Variants in CSMD1 observed in about 807,000 individuals in gnomAD.
The protein encoded by CSMD1 is CUB and Sushi multiple domains 1.
A neutral mutation model predicts 417.5 loss-of-function variants in CSMD1; 213 were observed. That is an observed-to-expected ratio of 0.51 (90% CI 0.46 to 0.57). The LOEUF (loss-of-function observed/expected upper bound fraction) is 0.57, where lower values mean the gene tolerates loss of function less well. Ranked by LOEUF, CSMD1 falls within the 20% of genes least tolerant of loss-of-function variation. The pLI is 0.00. For missense variants in CSMD1, 6,923 were observed against 4,529.7 expected (o/e 1.53, Z -15.17); for synonymous variants, 2,862 against 1,736.8 (o/e 1.65, Z -16.11).
rs201556828 is a variant in CSMD1 at position 3,906,294 on chromosome 8, A to G, written c.818+91609T>C. ...TCAAATAAAATCAATTGTCATAGGG[A>G]AAAAAAAAACCCCATGAAACATCAA... On this transcript the variant is annotated intron_variant, in intron 5 of 69. Coordinates refer to ENST00000635120, the MANE Select transcript of CSMD1 (RefSeq NM_033225.6). Among the ~76,000 whole-genome samples the G allele has an allele frequency of 9.2e-3, 381 of 41,386 alleles. 1 individual carries two copies. Among genetic ancestry groups the G allele is most frequent in the Middle Eastern group, 0.025 (1 of 40 alleles). The allele number at this position is 41,386 out of a possible 152,430, so 27.2% of individuals were successfully genotyped here.
chr8:3,757,220 C>G (rs1419631269), intron 5 of CSMD1, among the ~76,000 whole-genome samples: 1 of 152,142 alleles, frequency 6.6e-6, no homozygotes, highest in Non-Finnish European at 1.5e-5. Context: ...AATACCTACT[C>G]AGAACAATGA....
intron 3 of CSMD1, among the ~76,000 whole-genome samples, chr8:4,046,498 A>G (rs1798154178): frequency 6.6e-6 from 1 of 152,200 alleles, no homozygotes; most frequent in South Asian, 2.1e-4. Context: ...AGGATAAAGC[A>G]TGTTTTGTGG....
At chr8:4,178,525 C>G (rs1295549426) in intron 3 of CSMD1, among the ~76,000 whole-genome samples, 1 of 150,888 alleles carries the variant, frequency 6.6e-6, no homozygotes, top group Non-Finnish European at 1.5e-5. Context: ...TGGCACAAGA[C>G]AGGGATGCCC....
chr8:3,203,196 G>C (rs1014397339), intron 31 of CSMD1, among the ~76,000 whole-genome samples: 5 of 152,206 alleles, frequency 3.3e-5, no homozygotes, highest in Admixed American at 6.5e-5. Context: ...TAACGTGTTT[G>C]GTAATTTCCA....
chr8:4,830,509 G>T (rs1440236193), intron 1 of CSMD1, among the ~76,000 whole-genome samples: 1 of 152,208 alleles, frequency 6.6e-6, no homozygotes, highest in East Asian at 1.9e-4. Flanking sequence ...AGAAGCTACT[G>T]CCTGACAATG....
intron 3 of CSMD1, among the ~76,000 whole-genome samples, chr8:4,126,024 A>T (rs1563156373): frequency 6.6e-6 from 1 of 152,130 alleles, no homozygotes; most frequent in Non-Finnish European, 1.5e-5. Context: ...TCCATGGATC[A>T]GCTGATACCA....
intron 5 of CSMD1, among the ~76,000 whole-genome samples, chr8:3,909,444 G>C (rs1301149269): frequency 2.6e-5 from 4 of 152,106 alleles, no homozygotes; most frequent in East Asian, 3.9e-4. Flanking sequence ...GAAAAAGGCA[G>C]AACACACGGC....
chr8:4,034,050 A>G (rs180773341), intron 3 of CSMD1, among the ~76,000 whole-genome samples: 3 of 152,194 alleles, frequency 2.0e-5, no homozygotes, highest in Non-Finnish European at 4.4e-5. Context: ...AAACTATTTC[A>G]TGTCTGTATC....
chr8:3,892,199 C>A (rs1057193450), intron 5 of CSMD1, among the ~76,000 whole-genome samples: 1 of 152,114 alleles, frequency 6.6e-6, no homozygotes, highest in Non-Finnish European at 1.5e-5. Context: ...ATGTGTAGCC[C>A]TATTTTACAA....
intron 2 of CSMD1, among the ~76,000 whole-genome samples, chr8:4,426,182 G>T (rs1465813955): frequency 6.6e-6 from 1 of 151,674 alleles, no homozygotes; most frequent in East Asian, 1.9e-4. Context: ...TCAGGAAATA[G>T]ACTGGAATCT....
chr8:4,789,669 T>C (rs775574050), intron 1 of CSMD1, among the ~76,000 whole-genome samples: 37 of 152,150 alleles, frequency 2.4e-4, no homozygotes, highest in Non-Finnish European at 2.1e-4. Flanking sequence ...TATGTCAGAA[T>C]TTAGCATGTT....
At chr8:3,941,842 C>T (rs776127763) in intron 5 of CSMD1, among the ~76,000 whole-genome samples, 6 of 152,118 alleles carry the variant, frequency 3.9e-5, no homozygotes, top group Non-Finnish European at 7.4e-5. Context: ...ATTCCTTAAA[C>T]CAAAAGGGTC....
chr8:3,742,120 G>C (rs533682700), intron 6 of CSMD1, among the ~76,000 whole-genome samples: 1 of 152,050 alleles, frequency 6.6e-6, no homozygotes, highest in Non-Finnish European at 1.5e-5. Context: ...CTGTCCATCA[G>C]TCTATTTGTC....
intron 10 of CSMD1, among the ~76,000 whole-genome samples, chr8:3,554,260 C>T (rs138295288): frequency 6.6e-6 from 1 of 152,282 alleles, no homozygotes; most frequent in African/African-American, 2.4e-5. Flanking sequence ...GATGAGAAAA[C>T]ACATTTGGAA....
Position 3,863,267 on chromosome 8 carries a change from G to T in CSMD1, c.819-109225C>A, listed in dbSNP as rs955307790. ...CAAAAACTGGCTAGGTCTGGTGGCA[G>T]GCACCTGTAATCTCAGCTACTCAGG... On this transcript the variant is annotated intron_variant, in intron 5 of 69. Coordinates refer to ENST00000635120, the MANE Select transcript of CSMD1 (RefSeq NM_033225.6). Among the ~76,000 whole-genome samples, 5 of 151,958 alleles carry T rather than the reference G, an allele frequency of 3.3e-5. No individual in the cohort carries two copies. In the East Asian group the frequency reaches 9.7e-4, roughly 29 times the overall value.
At chr8:3,827,816 G>T (rs1372580497) in intron 5 of CSMD1, among the ~76,000 whole-genome samples, 2 of 152,180 alleles carry the variant, frequency 1.3e-5, no homozygotes, top group African/African-American at 4.8e-5. Flanking sequence ...ATATGACACT[G>T]TAAAAGTCGG....
At chr8:4,244,541 T>C (rs1802586474) in intron 3 of CSMD1, among the ~76,000 whole-genome samples, 1 of 152,142 alleles carries the variant, frequency 6.6e-6, no homozygotes, top group Admixed American at 6.5e-5. Flanking sequence ...TTCTTTCTTT[T>C]TTCTTATCAG....
At chr8:4,437,057 T>C (rs771944564) in intron 2 of CSMD1, among the ~76,000 whole-genome samples, 1 of 152,150 alleles carries the variant, frequency 6.6e-6, no homozygotes, top group Non-Finnish European at 1.5e-5. Flanking sequence ...CTCAAGGTAA[T>C]TTAATGGGAC....
At chr8:3,306,379 G>A (rs1804848032) in intron 25 of CSMD1, among the ~76,000 whole-genome samples, 1 of 152,136 alleles carries the variant, frequency 6.6e-6, no homozygotes, top group East Asian at 1.9e-4. Context: ...TTGCCATGCT[G>A]GCCAGGCTGA....
Sources: allele counts gnomAD v4.1 joint callset (sites outside exome capture counted in the v4.1 genomes callset), GRCh38; gene constraint gnomAD v4.1.1; transcripts MANE v1.5; gene names NCBI Gene and HGNC (gene_info 2026-07-23, HGNC 2026-07-21).